The following BTD variants were observed in gnomAD, a reference collection of about 807,000 sequenced individuals.
BTD encodes the protein biocytinase.
A neutral mutation model predicts 17.7 loss-of-function variants in BTD; 13 were observed. The observed-to-expected ratio is 0.74, with a 90% CI of 0.48 to 1.17. The LOEUF (loss-of-function observed/expected upper bound fraction) is 1.17. Ranked by LOEUF, BTD falls within the 50% of genes most tolerant of loss-of-function variation. The pLI, the probability that BTD is intolerant of heterozygous loss-of-function variation, is 0.00. For missense variants in BTD, 674 were observed against 650.4 expected, an observed-to-expected ratio of 1.04 and a Z score of -0.39; for synonymous variants, 240 against 245.2, an observed-to-expected ratio of 0.98 and a Z score of 0.20.
chr3:15,619,274 A>C (rs761414799), intron 1 of BTD, among the ~76,000 whole-genome samples: 1 of 152,226 alleles, frequency 6.6e-6, no homozygotes, highest in Non-Finnish European at 1.5e-5. Context: ...CGTCAAATAC[A>C]TCTATTTGAC....
intron 1 of BTD, among the ~76,000 whole-genome samples, chr3:15,628,692 A>G (rs28475858): frequency 0.043 from 6,550 of 152,298 alleles, 399 homozygotes; most frequent in African/African-American, 0.14. Flanking sequence ...ACTGACTGAC[A>G]GTGGAAAAGC....
intron 1 of BTD, among the ~76,000 whole-genome samples, chr3:15,602,560 A>G (rs1215179817): frequency 6.6e-6 from 1 of 152,154 alleles, no homozygotes; most frequent in East Asian, 1.9e-4. Context: ...AAAATTTCCA[A>G]TTGTAATAAA....
At chr3:15,696,266 A>T in intron 3 of BTD, 1 of 1,432,526 alleles carries the variant, frequency 7.0e-7, no homozygotes, top group Middle Eastern at 1.7e-4. Context: ...CAACAACAAC[A>T]TACTGAAAAT....
At chr3:15,677,077 T>G in intron 3 of BTD, 1 of 1,594,660 alleles carries the variant, frequency 6.3e-7, no homozygotes, top group Non-Finnish European at 8.6e-7. Flanking sequence ...GGCAGATAAG[T>G]TATAAAAACT....
chr3:15,705,931 G>C (rs921591237), intron 3 of BTD, among the ~76,000 whole-genome samples: 5 of 152,062 alleles, frequency 3.3e-5, no homozygotes, highest in South Asian at 4.1e-4. Flanking sequence ...AACCTGGGAG[G>C]TGGAAGCTGC....
chr3:15,686,091 C>T (rs767604651), intron 3 of BTD: 2 of 1,613,326 alleles, frequency 1.2e-6, no homozygotes, highest in Non-Finnish European at 1.7e-6. Flanking sequence ...TCTGTGTGCC[C>T]GTTGAGAACA....
chr3:15,602,358 A>G (rs935908193), intron 1 of BTD: 21 of 994,932 alleles, frequency 2.1e-5, no homozygotes, highest in Middle Eastern at 5.0e-4. Context: ...AATCCATATT[A>G]CTCTCCGCTA....
chr3:15,639,422 G>A (rs1247627152), intron 2 of BTD, among the ~76,000 whole-genome samples: 1 of 152,024 alleles, frequency 6.6e-6, no homozygotes, highest in African/African-American at 2.4e-5. Context: ...CCAGTAAGAT[G>A]GTAAAGCTGG....
intron 3 of BTD, chr3:15,695,315 T>C: frequency 1.2e-6 from 1 of 846,454 alleles, no homozygotes; most frequent in East Asian, 2.7e-5. Context: ...CCTAAACCCG[T>C]GCTTCCTTTG....
Position 15,643,900 on chromosome 3 carries a change from A to AT in BTD, c.400-416_400-415insT, listed in dbSNP as rs571117146. Among the ~76,000 whole-genome samples, 690 of 150,138 alleles carry AT rather than the reference A, an allele frequency of 4.6e-3. 12 individuals are homozygous for AT. Among genetic ancestry groups the AT allele is most frequent in the African/African-American group, 0.016 (655 of 41,100 alleles). On this transcript the variant is annotated intron_variant, in intron 3 of 3. Coordinates refer to ENST00000643237, the MANE Select transcript of BTD (RefSeq NM_001370658.1). ...AACAAGACCCTGTCTCTGAAAAAAA[A>AT]AAAAAAGAAAAGAAAGAAAAAAAAA... is the stretch of plus-strand genomic sequence containing the variant.
chr3:15,634,010 G>A (rs2065280319), intron 1 of BTD, among the ~76,000 whole-genome samples: 1 of 152,192 alleles, frequency 6.6e-6, no homozygotes, highest in Non-Finnish European at 1.5e-5. Context: ...GGGGTTTGGT[G>A]TTTGGATGGT....
chr3:15,666,854 C>A (rs768446066), intron 3 of BTD, among the ~76,000 whole-genome samples: 67 of 152,348 alleles, frequency 4.4e-4, no homozygotes, highest in Admixed American at 5.9e-4. Context: ...AATGTCCGCA[C>A]CTAGTCTTCC....
In BTD at chr3:15,622,394, C is replaced by G. The variant is rs140693028; in HGVS notation, c.-16-13030C>G. Among the ~76,000 whole-genome samples, 832 of 152,178 alleles carry G rather than the reference C, an allele frequency of 5.5e-3. 5 individuals are homozygous for G. The highest frequency in any genetic ancestry group is 0.018 in the African/African-American group (755 of 41,498). On this transcript the variant is annotated intron_variant, in intron 1 of 3. Transcript: ENST00000643237. ...TATGTTATTGATTTTTAGTTTAATT[C>G]TACTGTGGTCTGAGAGCAGATATTG...
At chr3:15,685,363 G>T (rs758981755) in intron 3 of BTD, 1 of 1,613,996 alleles carries the variant, frequency 6.2e-7, no homozygotes, top group Admixed American at 1.7e-5. Context: ...GTGTATAGGC[G>T]TCCGGCCCCT....
chr3:15,633,255 A>G (rs1483327394), intron 1 of BTD, among the ~76,000 whole-genome samples: 1 of 152,098 alleles, frequency 6.6e-6, no homozygotes, highest in Non-Finnish European at 1.5e-5. Context: ...GAATCCATGG[A>G]TGCAGAAACA....
chr3:15,694,498 C>A (rs1287926522), intron 3 of BTD, among the ~76,000 whole-genome samples: 1 of 151,886 alleles, frequency 6.6e-6, no homozygotes, highest in South Asian at 2.1e-4. Flanking sequence ...CTGGGGGAAG[C>A]CTAAGGATCA....
In BTD at chr3:15,651,465, C is replaced by G. The variant is rs947374001; in HGVS notation, c.*5977C>G. Among the ~76,000 whole-genome samples, 1 of 152,206 alleles carries G rather than the reference C, an allele frequency of 6.6e-6. No individual in the cohort carries two copies. The highest frequency in any genetic ancestry group is 2.1e-4 in the South Asian group (1 of 4,828). ...GCGACAGCAGGAGCTATGAGCACCC[C>G]AGGCCTGAAGGTGTGAAGGGCTGAA... On this transcript the variant is annotated 3_prime_UTR_variant, in exon 4 of 4. Coordinates refer to ENST00000643237, the MANE Select transcript of BTD (RefSeq NM_001370658.1).
At chr3:15,676,920 T>A (rs1010828957) in intron 3 of BTD, 1 of 1,442,900 alleles carries the variant, frequency 6.9e-7, no homozygotes, top group Admixed American at 1.8e-5. Flanking sequence ...AATCCATTTA[T>A]CATTTTTATA....
At chr3:15,705,225 AT>A (rs1432024225) in intron 3 of BTD, among the ~76,000 whole-genome samples, 1 of 152,200 alleles carries the variant, frequency 6.6e-6, no homozygotes, top group Admixed American at 6.5e-5. Context: ...AAAACTAGTG[AT>A]TTTAGTACTA....
Sources: gnomAD v4.1 joint callset for allele counts (sites outside exome capture counted in the v4.1 genomes callset) on GRCh38, gnomAD v4.1.1 for gene constraint, MANE v1.5 for transcripts, NCBI Gene and HGNC (gene_info 2026-07-23, HGNC 2026-07-21) for gene names.